The following RIMS1 variants were observed in gnomAD, a reference collection of about 807,000 sequenced individuals.
The protein encoded by RIMS1 is regulating synaptic membrane exocytosis 1.
In RIMS1, 83 loss-of-function variants were observed where a neutral mutation model predicts 214.1. The observed-to-expected ratio is 0.39, with a 90% CI of 0.32 to 0.47. The LOEUF (loss-of-function observed/expected upper bound fraction) is 0.47, where lower values mean the gene tolerates loss of function less well. RIMS1 is among the 20% of genes least tolerant of loss of function. The pLI is 0.99. For synonymous variants in RIMS1, 793 were observed against 786.8 expected, an observed-to-expected ratio of 1.01 and a Z score of -0.13; for missense variants, 2,050 against 2,161.8, an observed-to-expected ratio of 0.95 and a Z score of 1.03.
chr6:72,373,135 C>T (rs961885526), intron 29 of RIMS1, among the ~76,000 whole-genome samples: 25 of 151,984 alleles, frequency 1.6e-4, no homozygotes, highest in African/African-American at 5.6e-4. Context: ...CTTTGGATTC[C>T]GTCATTTATT....
chr6:72,149,037 G>A (rs1188441593), intron 4 of RIMS1, among the ~76,000 whole-genome samples: 2 of 152,056 alleles, frequency 1.3e-5, no homozygotes, highest in African/African-American at 2.4e-5. Context: ...TTTATTCACA[G>A]GACTTTGTGA....
At chr6:72,091,483 G>T (rs1177532824) in intron 2 of RIMS1, among the ~76,000 whole-genome samples, 4 of 152,038 alleles carry the variant, frequency 2.6e-5, no homozygotes, top group Non-Finnish European at 4.4e-5. Flanking sequence ...ATCAATAATT[G>T]CTTGTTTAAA....
At chr6:71,933,681 A>ACC (rs1783720708) in intron 1 of RIMS1, among the ~76,000 whole-genome samples, 1 of 72,286 alleles carries the variant, frequency 1.4e-5, no homozygotes, top group Non-Finnish European at 2.9e-5. Flanking sequence ...CTCTTCCTCA[A>ACC]TCACACACAC....
chr6:72,264,564 C>G (rs1368170259), intron 19 of RIMS1, among the ~76,000 whole-genome samples: 1 of 152,032 alleles, frequency 6.6e-6, no homozygotes, highest in Non-Finnish European at 1.5e-5. Context: ...TGTTTTAGAA[C>G]ATTAAAATTC....
intron 4 of RIMS1, among the ~76,000 whole-genome samples, chr6:72,172,752 A>G (rs1014496159): frequency 3.9e-5 from 6 of 152,116 alleles, no homozygotes; most frequent in African/African-American, 1.4e-4. Context: ...TTATCCTATG[A>G]AGTTTTTGTT....
chr6:72,085,198 T>C (rs1031234220), intron 2 of RIMS1, among the ~76,000 whole-genome samples: 2 of 152,192 alleles, frequency 1.3e-5, no homozygotes, highest in African/African-American at 2.4e-5. Flanking sequence ...ATACTCATTT[T>C]AAACTAAAGA....
chr6:71,893,181 G>A (rs1770504406), intron 1 of RIMS1, among the ~76,000 whole-genome samples: 1 of 152,180 alleles, frequency 6.6e-6, no homozygotes, highest in East Asian at 1.9e-4. Flanking sequence ...TCTTGGAGAA[G>A]AGCCCACCTA....
intron 2 of RIMS1, among the ~76,000 whole-genome samples, chr6:72,070,333 T>C (rs978270949): frequency 6.6e-6 from 1 of 152,180 alleles, no homozygotes; most frequent in Non-Finnish European, 1.5e-5. Context: ...TATTATTACA[T>C]TGATGAACTC....
At position 72,265,457 on chromosome 6, in the gene RIMS1, T is replaced by A; in HGVS notation, c.3262T>A (p.Cys1088Ser). Residue 1088 changes from cysteine to serine, a missense_variant, in exon 21 of 34, where the codon TGC becomes AGC. This residue lies in a region of RIMS1 where 889 missense variants were observed against 885.5 expected (regional missense o/e 1.00). Transcript: ENST00000521978. ...TRQDISLHHE[C>S]FNSTVLRFTD... Reference sequence around the variant, plus strand: ...ACAGGACATTTCCCTTCATCATGAATGCTTTAACTCAACAGTATTGAGATT... The same window carrying A: ...ACAGGACATTTCCCTTCATCATGAAAGCTTTAACTCAACAGTATTGAGATT... 6.2e-7 allele frequency: 1 copy of A among 1,609,528 alleles called. No individual in the cohort carries two copies. Among genetic ancestry groups the A allele is most frequent in the Middle Eastern group, 1.7e-4 (1 of 6,038 alleles).
Position 72,259,065 on chromosome 6 carries a change from C to T in RIMS1, c.3007C>T (p.His1003Tyr). 5 of 1,612,446 alleles carry T rather than the reference C, an allele frequency of 3.1e-6. No individual in the cohort carries two copies. The highest frequency in any genetic ancestry group is 3.4e-6 in the Non-Finnish European group (4 of 1,178,802). Residue 1003 changes from histidine to tyrosine, a missense_variant, in exon 18 of 34, where the codon CAT becomes TAT. By Grantham distance (83) the His-to-Tyr change is moderately conservative (BLOSUM62 2). Around this residue, in one of 6 missense-constraint regions of RIMS1, gnomAD observed 889 missense variants for 885.5 expected, o/e 1.00. Transcript: ENST00000521978. Reference sequence around the variant, plus strand: ...TGATGCCTCCCGAAGTCCAGTTGATCATAGAACCAGAGATGTGGATAGTCA... The same window carrying T: ...TGATGCCTCCCGAAGTCCAGTTGATTATAGAACCAGAGATGTGGATAGTCA... ...HHDASRSPVDHRTRDVDSQYL... is the reference protein window; with the variant it reads ...HHDASRSPVDYRTRDVDSQYL...
At chr6:71,982,497 A>G (rs941847740) in intron 2 of RIMS1, among the ~76,000 whole-genome samples, 35 of 152,282 alleles carry the variant, frequency 2.3e-4, no homozygotes, top group Middle Eastern at 3.4e-3. Context: ...ATCACACCCC[A>G]ACAAACCCAA....
At chr6:72,015,182 T>G (rs1410818307) in intron 2 of RIMS1, among the ~76,000 whole-genome samples, 1 of 152,222 alleles carries the variant, frequency 6.6e-6, no homozygotes, top group Non-Finnish European at 1.5e-5. Flanking sequence ...ATACAATATT[T>G]GAAATAATTT....
intron 29 of RIMS1, among the ~76,000 whole-genome samples, chr6:72,385,982 C>T (rs2098594369): frequency 6.6e-6 from 1 of 152,112 alleles, no homozygotes; most frequent in African/African-American, 2.4e-5. Context: ...CATCTTCATT[C>T]AGCAGGACTA....
At chr6:72,187,478 TG>T (rs1562529537) in intron 6 of RIMS1, among the ~76,000 whole-genome samples, 1 of 99,448 alleles carries the variant, frequency 1.0e-5, no homozygotes, top group Non-Finnish European at 2.0e-5. Flanking sequence ...ATATCCTTTT[TG>T]TTTTTTTTTT....
intron 1 of RIMS1, among the ~76,000 whole-genome samples, chr6:71,953,925 C>T (rs546432334): frequency 1.3e-5 from 2 of 152,254 alleles, no homozygotes; most frequent in East Asian, 1.9e-4. Context: ...TTGCTTTTTA[C>T]CTTTAGGGTC....
intron 6 of RIMS1, among the ~76,000 whole-genome samples, chr6:72,195,979 A>G (rs987846158): frequency 3.3e-5 from 5 of 152,086 alleles, no homozygotes; most frequent in African/African-American, 9.7e-5. Flanking sequence ...ACTCACTATC[A>G]TGAGAACAGC....
chr6:72,216,774 G>A, intron 6 of RIMS1: 1 of 988,302 alleles, frequency 1.0e-6, no homozygotes, highest in Non-Finnish European at 1.2e-6. Context: ...TAGCTTTAAG[G>A]ACCACAACGT....
intron 4 of RIMS1, among the ~76,000 whole-genome samples, chr6:72,154,010 A>G (rs1026710858): frequency 2.0e-5 from 3 of 152,148 alleles, no homozygotes; most frequent in Non-Finnish European, 4.4e-5. Context: ...AAGGAACATA[A>G]TTATTATCTT....
At chr6:71,950,782 A>G (rs1361680213) in intron 1 of RIMS1, among the ~76,000 whole-genome samples, 1 of 152,176 alleles carries the variant, frequency 6.6e-6, no homozygotes, top group Non-Finnish European at 1.5e-5. Flanking sequence ...GCTAGTTTTT[A>G]AGTATTATGG....
Sources: allele counts gnomAD v4.1 joint callset (sites outside exome capture counted in the v4.1 genomes callset), GRCh38; gene constraint gnomAD v4.1.1; regional missense constraint gnomAD v4.1.1; transcripts MANE v1.5; gene names NCBI Gene and HGNC (gene_info 2026-07-23, HGNC 2026-07-21).